Variants in COL21A1 observed in about 807,000 individuals in gnomAD.
COL21A1 encodes collagen alpha-1(XXI) chain.
A neutral mutation model predicts 137.9 loss-of-function variants in COL21A1; 149 were observed. That is an observed-to-expected ratio of 1.08 (90% CI 0.95 to 1.24). COL21A1 has a LOEUF of 1.24. Among genes scored for constraint, COL21A1 ranks in the 50% most tolerant of loss-of-function variants. The pLI is 0.00. For synonymous variants in COL21A1, 456 were observed against 391.5 expected (o/e 1.16, Z -1.95); for missense variants, 1,167 against 1,158.4 (o/e 1.01, Z -0.11).
intron 1 of COL21A1, among the ~76,000 whole-genome samples, chr6:56,239,970 A>G (rs1384133623): frequency 1.3e-5 from 2 of 152,150 alleles, no homozygotes; most frequent in Non-Finnish European, 2.9e-5. Context: ...TAATTGAATC[A>G]TGGGGATGAT....
At chr6:56,067,414 A>G in intron 22 of COL21A1, 84 bp from the exon 23 acceptor site, 1 of 1,257,510 alleles carries the variant, frequency 8.0e-7, no homozygotes, top group Non-Finnish European at 1.1e-6. Flanking sequence ...TCTGCTGAAG[A>G]AAAACAACAT....
At chr6:56,153,697 G>A (rs1775501209) in intron 10 of COL21A1, among the ~76,000 whole-genome samples, 1 of 152,114 alleles carries the variant, frequency 6.6e-6, no homozygotes, top group Non-Finnish European at 1.5e-5. Context: ...GCAAATCCAT[G>A]GTCTAGTCTA....
chr6:56,307,020 A>G (rs886571075), intron 1 of COL21A1, among the ~76,000 whole-genome samples: 5 of 152,228 alleles, frequency 3.3e-5, no homozygotes, highest in Admixed American at 6.5e-5. Context: ...TATCAGCAGC[A>G]GAGGCTGCAG....
rs573044137 is a variant in COL21A1, at chr6:56,119,754, C to T, written c.1758+4308G>A. Among the ~76,000 whole-genome samples the T allele has an allele frequency of 2.6e-5, 4 of 152,202 alleles. No individual in the cohort carries two copies. The South Asian group carries it at 8.3e-4, about 32-fold the overall frequency. Reference sequence around the variant, plus strand: ...AACAGAGAACCCAGAAACAAATCTACATACCTACAGTGAACTCATTTTTGA... The same window carrying T: ...AACAGAGAACCCAGAAACAAATCTATATACCTACAGTGAACTCATTTTTGA... On this transcript the variant is annotated intron_variant, in intron 16 of 29. Transcript: ENST00000244728.
intron 1 of COL21A1, among the ~76,000 whole-genome samples, chr6:56,261,909 C>T (rs1444578431): frequency 1.3e-5 from 2 of 152,146 alleles, no homozygotes; most frequent in Non-Finnish European, 2.9e-5. Context: ...GAATATGGAC[C>T]TTACCTGCCT....
At chr6:56,122,566 T>A (rs75358288) in intron 16 of COL21A1, among the ~76,000 whole-genome samples, 22,840 of 152,168 alleles carry the variant, frequency 0.15, 1,744 homozygotes, top group Middle Eastern at 0.22. Context: ...GTTTCATAAC[T>A]CTGTAAATAC....
intron 1 of COL21A1, among the ~76,000 whole-genome samples, chr6:56,202,879 A>C (rs1354842380): frequency 6.6e-6 from 1 of 152,210 alleles, no homozygotes; most frequent in African/African-American, 2.4e-5. Flanking sequence ...AGACCAGTAC[A>C]AGCCAAGAAA....
chr6:56,275,387 C>T (rs13214022), intron 1 of COL21A1, among the ~76,000 whole-genome samples: 31,488 of 152,048 alleles, frequency 0.21, 4,019 homozygotes, highest in Non-Finnish European at 0.28. Flanking sequence ...TAAAGAGCTT[C>T]TGCACAGCAA....
chr6:56,304,163 T>C (rs891371577), intron 1 of COL21A1, among the ~76,000 whole-genome samples: 3 of 152,192 alleles, frequency 2.0e-5, no homozygotes, highest in Non-Finnish European at 4.4e-5. Context: ...TTTGCATCGA[T>C]GTTCATCAGG....
intron 1 of COL21A1, among the ~76,000 whole-genome samples, chr6:56,281,903 A>G (rs1168970641): frequency 2.6e-5 from 4 of 152,236 alleles, no homozygotes; most frequent in Non-Finnish European, 5.9e-5. Flanking sequence ...ATAGAAAAAT[A>G]CATTCTAAGA....
intron 1 of COL21A1, among the ~76,000 whole-genome samples, chr6:56,243,913 CTTTG>C (rs1562019953): frequency 6.6e-6 from 1 of 152,174 alleles, no homozygotes; most frequent in Non-Finnish European, 1.5e-5. Context: ...AACATTTCAA[CTTTG>C]TTTCTCACAA....
intron 12 of COL21A1, 161 bp from the exon 13 acceptor site, chr6:56,126,310 C>G (rs1773048176): frequency 5.3e-6 from 3 of 567,664 alleles, no homozygotes; most frequent in Non-Finnish European, 9.5e-6. Flanking sequence ...AAAATTATCC[C>G]TACTTTTCAG....
At chr6:56,111,913 C>A (rs1771463603) in intron 16 of COL21A1, among the ~76,000 whole-genome samples, 1 of 151,306 alleles carries the variant, frequency 6.6e-6, no homozygotes, top group Non-Finnish European at 1.5e-5. Flanking sequence ...ACACATCCCA[C>A]AGGCTCTCTT....
chr6:56,092,964 G>C (rs1444653550), intron 17 of COL21A1, among the ~76,000 whole-genome samples: 1 of 152,066 alleles, frequency 6.6e-6, no homozygotes, highest in African/African-American at 2.4e-5. Flanking sequence ...TCTTTGGCTT[G>C]TGGATACATC....
rs536406204 is a variant in COL21A1 at position 56,127,701 on chromosome 6, C to T, written c.1543-1552G>A. ...CTTGAGTTCAATGTCACTAATAAGA[C>T]GTGTGAAGTCTGATTCCTGAACATT... On this transcript the variant is annotated intron_variant, in intron 12 of 29. Transcript: ENST00000244728. Among the ~76,000 whole-genome samples the T allele has an allele frequency of 6.6e-5, 10 of 152,272 alleles. No individual in the cohort carries two copies. The East Asian group carries it at 1.5e-3, about 23-fold the overall frequency.
At chr6:56,228,585 A>G (rs1175463699) in intron 1 of COL21A1, among the ~76,000 whole-genome samples, 1 of 150,654 alleles carries the variant, frequency 6.6e-6, no homozygotes, top group East Asian at 2.0e-4. Flanking sequence ...TGGTTCATAC[A>G]TGAAATTTGT....
chr6:56,185,619 T>C (rs1778230147), intron 1 of COL21A1, among the ~76,000 whole-genome samples: 1 of 151,576 alleles, frequency 6.6e-6, no homozygotes. Flanking sequence ...GTATTTTTAG[T>C]AGAGACGGGG....
chr6:56,332,687 T>C (rs77128423), intron 1 of COL21A1, among the ~76,000 whole-genome samples: 1 of 150,996 alleles, frequency 6.6e-6, no homozygotes, highest in Non-Finnish European at 1.5e-5. Context: ...AGGTTATATG[T>C]TTTTTTTTAA....
At chr6:56,371,053 G>A (rs1262477607) in intron 1 of COL21A1, among the ~76,000 whole-genome samples, 3 of 152,194 alleles carry the variant, frequency 2.0e-5, no homozygotes, top group African/African-American at 7.2e-5. Flanking sequence ...TGCACCACAT[G>A]CTGACCACAA....
Sources: allele counts gnomAD v4.1 joint callset (sites outside exome capture counted in the v4.1 genomes callset), GRCh38; gene constraint gnomAD v4.1.1; transcripts MANE v1.5; gene names NCBI Gene and HGNC (gene_info 2026-07-23, HGNC 2026-07-21).